Variants in PDE1C observed in about 807,000 individuals in gnomAD.
The protein encoded by PDE1C is dual specificity calcium/calmodulin-dependent 3',5'-cyclic nucleotide phosphodiesterase 1C.
A neutral mutation model predicts 93.1 loss-of-function variants in PDE1C; 62 were observed. The observed-to-expected ratio is 0.67, with a 90% CI of 0.54 to 0.82. The LOEUF (loss-of-function observed/expected upper bound fraction) is 0.82, where lower values mean the gene tolerates loss of function less well. Among genes scored for constraint, PDE1C ranks in the 40% least tolerant of loss-of-function variants. The pLI is 0.00. For synonymous variants in PDE1C, 325 were observed against 310.1 expected (o/e 1.05, Z -0.50); for missense variants, 742 against 884.6 (o/e 0.84, Z 2.04).
At chr7:32,206,662 C>T (rs943180848) in intron 2 of PDE1C, among the ~76,000 whole-genome samples, 1 of 152,178 alleles carries the variant, frequency 6.6e-6, no homozygotes, top group Non-Finnish European at 1.5e-5. Flanking sequence ...GGGGTACTTT[C>T]CATGCGGCAC....
At chr7:31,895,766 C>A (rs13234016) in intron 2 of PDE1C, among the ~76,000 whole-genome samples, 1 of 151,870 alleles carries the variant, frequency 6.6e-6, no homozygotes, top group Non-Finnish European at 1.5e-5. Context: ...GTGAATAAGT[C>A]TCATGAACAC....
chr7:32,068,359 G>A (rs575278043), intron 1 of PDE1C, among the ~76,000 whole-genome samples: 1 of 151,804 alleles, frequency 6.6e-6, no homozygotes, highest in Non-Finnish European at 1.5e-5. Flanking sequence ...TTGGTTTCCA[G>A]AGTCTTTAGC....
intron 1 of PDE1C, among the ~76,000 whole-genome samples, chr7:32,420,480 G>T (rs1785408211): frequency 6.7e-6 from 1 of 148,736 alleles, no homozygotes; most frequent in African/African-American, 2.5e-5. Flanking sequence ...CTTGAACCCA[G>T]GAGGTGGAGG....
At chr7:31,996,359 A>C (rs1038453611) in intron 2 of PDE1C, among the ~76,000 whole-genome samples, 1 of 152,108 alleles carries the variant, frequency 6.6e-6, no homozygotes, top group African/African-American at 2.4e-5. Flanking sequence ...TTCAAAACTA[A>C]ATTTCAAGGC....
chr7:31,643,745 T>C, the PDE1C span: 1 of 1,613,928 alleles, frequency 6.2e-7, no homozygotes, highest in African/African-American at 1.3e-5. Context: ...TTCTCTAGTA[T>C]CTGCCCAATG....
chr7:31,942,845 C>A (rs1270004992), intron 2 of PDE1C, among the ~76,000 whole-genome samples: 1 of 152,154 alleles, frequency 6.6e-6, no homozygotes, highest in Non-Finnish European at 1.5e-5. Flanking sequence ...AACAAGATTT[C>A]TTCATTCACT....
chr7:32,313,934 C>A (rs187111641), intron 1 of PDE1C, among the ~76,000 whole-genome samples: 1 of 151,918 alleles, frequency 6.6e-6, no homozygotes, highest in African/African-American at 2.4e-5. Context: ...ATAAAAGATG[C>A]TAGGTACCCA....
In PDE1C at chr7:31,801,424, A is replaced by G. The variant is rs192719733; in HGVS notation, c.1891+7607T>C. On this transcript the variant is annotated intron_variant, in intron 16 of 17. Coordinates refer to ENST00000396191, the MANE Select transcript of PDE1C (RefSeq NM_001191057.4). ...TATTGGGACTAATTTATTCTCCCAG[A>G]ATATAGTCTATCTTTTTAAATATTC... is the stretch of plus-strand genomic sequence containing the variant. Among the ~76,000 whole-genome samples the G allele has an allele frequency of 1.8e-3, 271 of 151,568 alleles. 1 individual carries two copies. The highest frequency in any genetic ancestry group is 6.3e-3 in the African/African-American group (262 of 41,484).
chr7:32,113,247 A>ATATATATATATATATATATG (rs1442512558), intron 3 of PDE1C, among the ~76,000 whole-genome samples: 1 of 137,710 alleles, frequency 7.3e-6, no homozygotes, highest in Non-Finnish European at 1.5e-5. Flanking sequence ...ATATATATAT[A>ATATATATATATATATATATG]TATATATATA....
At chr7:31,745,773 T>G in the PDE1C span, among the ~76,000 whole-genome samples, 2 of 152,370 alleles carry the variant, frequency 1.3e-5, no homozygotes, top group African/African-American at 4.8e-5. Context: ...TGTCACTTCA[T>G]GAGAAACTTT....
the PDE1C span, among the ~76,000 whole-genome samples, chr7:31,656,794 A>G: frequency 1.3e-5 from 2 of 152,084 alleles, no homozygotes; most frequent in Admixed American, 6.6e-5. Context: ...AGAATAGCTA[A>G]TGGAATCCCC....
At chr7:32,354,532 G>A (rs957831481) in intron 1 of PDE1C, among the ~76,000 whole-genome samples, 2 of 152,146 alleles carry the variant, frequency 1.3e-5, no homozygotes, top group Non-Finnish European at 2.9e-5. Flanking sequence ...TTAGGAGGCC[G>A]AGACTGCAAT....
chr7:32,170,079 C>T (rs541343158), intron 2 of PDE1C: 23 of 821,146 alleles, frequency 2.8e-5, no homozygotes, highest in East Asian at 1.5e-4. Flanking sequence ...TCACCATCTC[C>T]GCCAACATTA....
At chr7:32,166,180 C>T (rs1802259020) in intron 3 of PDE1C, among the ~76,000 whole-genome samples, 1 of 152,016 alleles carries the variant, frequency 6.6e-6, no homozygotes, top group Non-Finnish European at 1.5e-5. Context: ...GTCAATTATA[C>T]CTTTATAAAG....
chr7:31,941,657 A>AGTTC (rs1805863833), intron 2 of PDE1C: 1 of 152,426 alleles, frequency 6.6e-6, no homozygotes, highest in African/African-American at 2.4e-5. Context: ...ACTTCCCGTT[A>AGTTC]TTCCTAATTG....
At chr7:32,310,455 T>C (rs544388846) in intron 1 of PDE1C, among the ~76,000 whole-genome samples, 2 of 152,320 alleles carry the variant, frequency 1.3e-5, no homozygotes, top group South Asian at 4.1e-4. Flanking sequence ...ATACATTTTT[T>C]TCAGCACTAC....
the PDE1C span, among the ~76,000 whole-genome samples, chr7:31,650,962 T>C: frequency 3.9e-5 from 6 of 152,156 alleles, no homozygotes; most frequent in Non-Finnish European, 7.3e-5. Context: ...AGATGAGCAC[T>C]GTCACTAGTT....
chr7:32,350,377 A>T (rs75120126), intron 1 of PDE1C, among the ~76,000 whole-genome samples: 13,324 of 151,744 alleles, frequency 0.088, 676 homozygotes, highest in East Asian at 0.13. Context: ...TTTTTAACAC[A>T]ACCACAATAC....
At chr7:31,912,060 T>C (rs1388259513) in intron 2 of PDE1C, among the ~76,000 whole-genome samples, 1 of 152,120 alleles carries the variant, frequency 6.6e-6, no homozygotes, top group Non-Finnish European at 1.5e-5. Flanking sequence ...GTTAAATCCA[T>C]TGGTTCGAGG....
Sources: gnomAD v4.1 joint callset for allele counts (sites outside exome capture counted in the v4.1 genomes callset) on GRCh38, gnomAD v4.1.1 for gene constraint, MANE v1.5 for transcripts, NCBI Gene and HGNC (gene_info 2026-07-23, HGNC 2026-07-21) for gene names.